RELB: variants seen among roughly 807,000 people sequenced by gnomAD.
RELB encodes the protein RELB proto-oncogene, NF-kB subunit.
A neutral mutation model predicts 55.4 loss-of-function variants in RELB; 14 were observed. That is an observed-to-expected ratio of 0.25 (90% CI 0.17 to 0.40). The LOEUF is 0.40. RELB is among the 10% of genes least tolerant of loss of function. The probability of loss-of-function intolerance (pLI) is 1.00; values close to 1 mark genes in which losing one functional copy is unlikely to be tolerated. For synonymous variants in RELB, 409 were observed against 371.3 expected, an observed-to-expected ratio of 1.10 and a Z score of -1.17; for missense variants, 669 against 830.7, an observed-to-expected ratio of 0.81 and a Z score of 2.39.
chr19:45,016,995 G>A (rs544592167), intron 4 of RELB, among the ~76,000 whole-genome samples: 1 of 152,122 alleles, frequency 6.6e-6, no homozygotes, highest in Non-Finnish European at 1.5e-5. Context: ...ATGGCTGTGC[G>A]GGACTGTCCC....
At chr19:45,029,176 G>A (rs966188941) in intron 8 of RELB, among the ~76,000 whole-genome samples, 184 bp downstream of exon 8, 7 of 152,152 alleles carry the variant, frequency 4.6e-5, no homozygotes, top group Non-Finnish European at 7.4e-5. Flanking sequence ...TCCCTGAGTC[G>A]CCTTCTCACC....
chr19:45,003,913 G>GTTTTTTTTTTTTTTT (rs1346315548), intron 2 of RELB, among the ~76,000 whole-genome samples: 1 of 52,686 alleles, frequency 1.9e-5, no homozygotes, highest in African/African-American at 6.6e-5. Flanking sequence ...TCTGTTTTTT[G>GTTTTTTTTTTTTTTT]TGTTTTTTTT....
In RELB at chr19:45,001,695, G is replaced by A; in HGVS notation, c.106+10G>A. 6.6e-7 allele frequency: 1 copy of A among 1,511,058 alleles called. No homozygotes were observed. Among genetic ancestry groups the A allele is most frequent in the Non-Finnish European group, 8.8e-7 (1 of 1,132,918 alleles). 93.6% of individuals were successfully genotyped at this position (1,511,058 alleles called of 1,614,324 possible). ...GAGCTGGGGGCCTTAGGTAAGCGGG[G>A]CTGGGGTTCAGGAGAGGGGTCTGGG... On this transcript the variant is annotated intron_variant, in intron 1 of 11. Transcript: ENST00000221452.
At chr19:45,024,239 G>A (rs569051970) in intron 5 of RELB, among the ~76,000 whole-genome samples, 34 of 152,060 alleles carry the variant, frequency 2.2e-4, no homozygotes, top group Non-Finnish European at 4.3e-4. Context: ...TCGGCTCACT[G>A]CAAACTCCGC....
intron 5 of RELB, 71 bp from the exon 6 acceptor site, chr19:45,025,258 G>C (rs927226386): frequency 9.6e-7 from 1 of 1,041,192 alleles, no homozygotes; most frequent in Non-Finnish European, 1.5e-6. Flanking sequence ...ATCTGCCAGA[G>C]CCCTCCTGCA....
At chr19:45,035,332 A>T (rs1971674046) in intron 11 of RELB, among the ~76,000 whole-genome samples, 1 of 151,190 alleles carries the variant, frequency 6.6e-6, no homozygotes, top group African/African-American at 2.4e-5. Context: ...CAGCCTGGCC[A>T]ACGTGGTAAA....
chr19:45,008,258 A>G (rs1286037801), intron 2 of RELB, among the ~76,000 whole-genome samples: 1 of 152,182 alleles, frequency 6.6e-6, no homozygotes, highest in Non-Finnish European at 1.5e-5. Context: ...TATTGTGCCC[A>G]TTTTACAGAT....
chr19:45,037,068 C>T (rs1389092369), intron 11 of RELB, among the ~76,000 whole-genome samples: 1 of 152,100 alleles, frequency 6.6e-6, no homozygotes, highest in Non-Finnish European at 1.5e-5. Flanking sequence ...CACCTGAGGT[C>T]AGGAGTTCGA....
intron 8 of RELB, among the ~76,000 whole-genome samples, chr19:45,032,044 T>C (rs1971628760): frequency 6.6e-6 from 1 of 150,634 alleles, no homozygotes; most frequent in African/African-American, 2.4e-5. Context: ...GAGACCATCC[T>C]GGCCAACGTG....
At chr19:45,034,553 CCT>C (rs1199814855) in intron 11 of RELB, 25 bp downstream of exon 11, 1 of 1,569,524 alleles carries the variant, frequency 6.4e-7, no homozygotes, top group African/African-American at 1.4e-5. Flanking sequence ...CACATAAGCC[CCT>C]GTCCCCTGGG....
At chr19:45,032,503 G>A (rs1030847361) in intron 8 of RELB, 31 bp from the exon 9 acceptor site, 2 of 1,568,306 alleles carry the variant, frequency 1.3e-6, no homozygotes, top group Non-Finnish European at 1.7e-6. Context: ...CAGATGTCCT[G>A]GCTTAGCTGA....
chr19:45,022,303 C>T, intron 5 of RELB, 93 bp downstream of exon 5: 3 of 1,292,956 alleles, frequency 2.3e-6, no homozygotes, highest in Non-Finnish European at 3.2e-6. Flanking sequence ...CAGAGGGCAG[C>T]TTGGGTAAAC....
intron 8 of RELB, among the ~76,000 whole-genome samples, chr19:45,031,305 T>C (rs1484987322): frequency 1.3e-5 from 2 of 151,924 alleles, no homozygotes; most frequent in African/African-American, 4.8e-5. Context: ...TTAATTTTCT[T>C]GTAGAGACAA....
chr19:45,024,399 T>C (rs1971531777), intron 5 of RELB, among the ~76,000 whole-genome samples: 1 of 151,964 alleles, frequency 6.6e-6, no homozygotes. Context: ...CCTGACCTCC[T>C]GATCTGCCCG....
Position 45,031,645 on chromosome 19 carries a change from G to A in RELB, c.992-889G>A, listed in dbSNP as rs181035178. Among the ~76,000 whole-genome samples, 221 of 152,036 alleles carry A rather than the reference G, an allele frequency of 1.5e-3. 2 individuals are homozygous for A. The highest frequency in any genetic ancestry group is 5.0e-3 in the African/African-American group (207 of 41,474). Reference sequence around the variant, plus strand: ...GGCTGGAGTGCAGTGGTGCGATCTTGGCTCACTGCAAGCTCCGCCTCCCGG... The same window carrying A: ...GGCTGGAGTGCAGTGGTGCGATCTTAGCTCACTGCAAGCTCCGCCTCCCGG... On this transcript the variant is annotated intron_variant, in intron 8 of 11. Transcript: ENST00000221452.
Position 45,011,996 on chromosome 19 carries a change from C to A in RELB, c.224C>A (p.Pro75Gln). Residue 75 changes from proline to glutamine, a missense_variant, in exon 4 of 12, where the codon CCG (proline) becomes CAG (glutamine). Around this residue, in one of 3 missense-constraint regions of RELB, gnomAD observed 323 missense variants for 368.5 expected, o/e 0.88. Coordinates refer to ENST00000221452, the MANE Select transcript of RELB (RefSeq NM_006509.4). ...GFGLDGGQPG[P>Q]GEGLPRLVSR... Reference sequence around the variant, plus strand: ...GGCCTGGACGGGGGACAGCCGGGCCCGGGCGAGGGGCTGCCACGCCTGGTG... The same window carrying A: ...GGCCTGGACGGGGGACAGCCGGGCCAGGGCGAGGGGCTGCCACGCCTGGTG... 1.3e-6 allele frequency: 2 copies of A among 1,573,300 alleles called. No homozygotes were observed. The highest frequency in any genetic ancestry group is 1.2e-5 in the South Asian group (1 of 86,324).
intron 2 of RELB, among the ~76,000 whole-genome samples, chr19:45,007,684 C>T (rs1243091801): frequency 2.0e-5 from 3 of 151,860 alleles, no homozygotes; most frequent in African/African-American, 7.3e-5. Flanking sequence ...ATGGTGAAAC[C>T]CCGTCTCTAC....
Position 45,001,556 on chromosome 19 carries a change from C to G in RELB, c.-24C>G, listed in dbSNP as rs1971208961. ...CGATCGTCCACCAGACCGTGCCTCC[C>G]GGCCGCCCGGCCGGCCCGCGTGCAT... is the stretch of plus-strand genomic sequence containing the variant. On this transcript the variant is annotated 5_prime_UTR_variant, in exon 1 of 12. Coordinates refer to ENST00000221452, the MANE Select transcript of RELB (RefSeq NM_006509.4). The G allele has an allele frequency of 1.4e-6, 2 of 1,395,002 alleles. No homozygotes were observed. Among genetic ancestry groups the G allele is most frequent in the Admixed American group, 5.6e-5 (2 of 36,028 alleles). The allele number at this position is 1,395,002 out of a possible 1,614,324, so 86.4% of individuals were successfully genotyped here. A position where few individuals can be genotyped will look rare whatever the true frequency, so the allele number is the denominator to read the frequency against.
chr19:45,011,930 C>G lies in RELB; in HGVS notation c.164-6C>G, dbSNP rs1365396504. On this transcript the variant is annotated splice_polypyrimidine_tract_variant and splice_region_variant and intron_variant, in intron 3 of 11. Transcript: ENST00000221452. Reference sequence around the variant, plus strand: ...GCGTCACCACCCGTTTTTTCTTCTCCCGCAGAGATCATCGACGAGTACATC... The same window carrying G: ...GCGTCACCACCCGTTTTTTCTTCTCGCGCAGAGATCATCGACGAGTACATC... 6.6e-7 allele frequency: 1 copy of G among 1,504,996 alleles called. No homozygotes were observed. Among genetic ancestry groups the G allele is most frequent in the African/African-American group, 1.5e-5 (1 of 68,008 alleles). 93.2% of individuals were successfully genotyped at this position (1,504,996 alleles called of 1,614,324 possible).
Sources: allele counts gnomAD v4.1 joint callset (sites outside exome capture counted in the v4.1 genomes callset), GRCh38; gene constraint gnomAD v4.1.1; regional missense constraint gnomAD v4.1.1; transcripts MANE v1.5; gene names NCBI Gene and HGNC (gene_info 2026-07-23, HGNC 2026-07-21).